Variants in CACNA2D1 observed in about 807,000 individuals in gnomAD.
The protein encoded by CACNA2D1 is voltage-dependent calcium channel subunit alpha-2/delta-1.
In CACNA2D1, 53 loss-of-function variants were observed where a neutral mutation model predicts 171.5. That is an observed-to-expected ratio of 0.31 (90% confidence interval 0.25 to 0.39). The LOEUF (loss-of-function observed/expected upper bound fraction) is 0.39. Ranked by LOEUF, CACNA2D1 falls within the 10% of genes least tolerant of loss-of-function variation. The probability of loss-of-function intolerance (pLI) is 1.00; values close to 1 mark genes in which losing one functional copy is unlikely to be tolerated. For missense variants in CACNA2D1, 903 were observed against 1,299.8 expected (o/e 0.69, Z 4.69); for synonymous variants, 442 against 443.1 (o/e 1.00, Z 0.03).
chr7:82,267,072 A>T (rs565192502), intron 3 of CACNA2D1, among the ~76,000 whole-genome samples: 1 of 152,292 alleles, frequency 6.6e-6, no homozygotes, highest in Non-Finnish European at 1.5e-5. Flanking sequence ...AGAAGTTTTC[A>T]ATGAATGTGT....
At chr7:82,202,663 G>A (rs943903697) in intron 3 of CACNA2D1, among the ~76,000 whole-genome samples, 3 of 8,866 alleles carry the variant, frequency 3.4e-4, no homozygotes, top group Admixed American at 1.5e-3. Flanking sequence ...GGGCACTCCA[G>A]GTGCTGGTGG....
intron 1 of CACNA2D1, among the ~76,000 whole-genome samples, chr7:82,379,758 CTT>C (rs1177534614): frequency 6.6e-6 from 1 of 152,172 alleles, no homozygotes; most frequent in East Asian, 1.9e-4. Context: ...TTTCTTGACT[CTT>C]TCACTGTAAA....
intron 3 of CACNA2D1, among the ~76,000 whole-genome samples, chr7:82,315,001 A>G (rs977865712): frequency 3.5e-5 from 5 of 142,390 alleles, no homozygotes; most frequent in Non-Finnish European, 6.0e-5. Context: ...TTTTTGAGAC[A>G]GAGTCTCACT....
chr7:82,003,636 G>A (rs931816093), intron 18 of CACNA2D1, among the ~76,000 whole-genome samples: 2 of 149,872 alleles, frequency 1.3e-5, no homozygotes, highest in Non-Finnish European at 3.0e-5. Flanking sequence ...AATCATATAT[G>A]CATTATTGTA....
At chr7:82,258,920 C>T (rs992556651) in intron 3 of CACNA2D1, among the ~76,000 whole-genome samples, 2 of 150,894 alleles carry the variant, frequency 1.3e-5, no homozygotes, top group East Asian at 1.9e-4. Flanking sequence ...CTCCGCCTCC[C>T]AGGTTCAAGT....
intron 3 of CACNA2D1, among the ~76,000 whole-genome samples, chr7:82,290,305 A>T (rs1050161272): frequency 1.3e-5 from 2 of 152,094 alleles, no homozygotes; most frequent in Admixed American, 6.5e-5. Context: ...AATTGTTGTT[A>T]TTTTAATTTT....
At chr7:82,200,923 G>A (rs372385168) in intron 3 of CACNA2D1, among the ~76,000 whole-genome samples, 3 of 152,204 alleles carry the variant, frequency 2.0e-5, no homozygotes, top group East Asian at 1.9e-4. Flanking sequence ...TAAGGCATGC[G>A]TGTGCATATA....
chr7:82,402,496 A>G (rs1050851124), intron 1 of CACNA2D1, among the ~76,000 whole-genome samples: 1 of 152,006 alleles, frequency 6.6e-6, no homozygotes, highest in Non-Finnish European at 1.5e-5. Flanking sequence ...GTGGATCACA[A>G]GATCAGGAGA....
chr7:82,172,040 T>TA (rs1311715993), intron 3 of CACNA2D1, among the ~76,000 whole-genome samples: 1 of 152,038 alleles, frequency 6.6e-6, no homozygotes, highest in Non-Finnish European at 1.5e-5. Context: ...AGTGACTCTA[T>TA]AATATTGCCT....
intron 3 of CACNA2D1, among the ~76,000 whole-genome samples, chr7:82,288,602 C>T (rs917759999): frequency 6.6e-6 from 1 of 152,120 alleles, no homozygotes; most frequent in Non-Finnish European, 1.5e-5. Flanking sequence ...ATTTAATATT[C>T]CATATCTGTA....
intron 7 of CACNA2D1, among the ~76,000 whole-genome samples, chr7:82,071,434 T>C (rs1015507875): frequency 2.0e-5 from 3 of 152,144 alleles, no homozygotes; most frequent in African/African-American, 7.2e-5. Context: ...CCAGCAGACA[T>C]GACCAATGAA....
At chr7:82,371,030 A>G (rs996514806) in intron 1 of CACNA2D1, among the ~76,000 whole-genome samples, 1 of 152,208 alleles carries the variant, frequency 6.6e-6, no homozygotes, top group African/African-American at 2.4e-5. Flanking sequence ...AACACTACTG[A>G]AAAGACACAT....
chr7:82,026,315 T>C, intron 12 of CACNA2D1, among the ~76,000 whole-genome samples: 1 of 151,788 alleles, frequency 6.6e-6, no homozygotes, highest in Middle Eastern at 3.4e-3. Flanking sequence ...TTTATTAATG[T>C]CATTTTGTTA....
chr7:82,283,162 A>C (rs1429321749), intron 3 of CACNA2D1, among the ~76,000 whole-genome samples: 2 of 152,310 alleles, frequency 1.3e-5, no homozygotes, highest in East Asian at 3.9e-4. Context: ...TATTAAAAAA[A>C]AAAATTGAAG....
intron 4 of CACNA2D1, among the ~76,000 whole-genome samples, chr7:82,149,637 A>G (rs555767055): frequency 5.3e-5 from 8 of 152,194 alleles, no homozygotes; most frequent in African/African-American, 1.7e-4. Flanking sequence ...GGAGGAAGCT[A>G]TAAGAGTATG....
Position 82,232,861 on chromosome 7 carries a change from CAAAAAAAAAAAAAAAAA to C in CACNA2D1, c.295-62269_295-62253del, listed in dbSNP as rs71093370. On this transcript the variant is annotated intron_variant, in intron 3 of 38. Transcript: ENST00000356860. ...CCTGGGCAACAGAGCGAGATGTCTC[CAAAAAAAAAAAAAAAAA>C]AAAAAAAAAAAAAAGACTTGCTTGA... is the stretch of plus-strand genomic sequence containing the variant. Among the ~76,000 whole-genome samples, 105 of 52,418 alleles carry C rather than the reference CAAAAAAAAAAAAAAAAA, an allele frequency of 2.0e-3. 1 individual carries two copies. Among genetic ancestry groups the C allele is most frequent in the Non-Finnish European group, 3.0e-3 (90 of 29,546 alleles). The allele number at this position is 52,418 out of a possible 152,430, so 34.4% of individuals were successfully genotyped here. A position where few individuals can be genotyped will look rare whatever the true frequency, so the allele number is the denominator to read the frequency against.
At chr7:81,975,989 A>C (rs1203331815) in intron 24 of CACNA2D1, among the ~76,000 whole-genome samples, 1 of 67,726 alleles carries the variant, frequency 1.5e-5, no homozygotes, top group Non-Finnish European at 3.2e-5. Flanking sequence ...AAGTAATGTT[A>C]CATTAAAAAA....
intron 3 of CACNA2D1, among the ~76,000 whole-genome samples, chr7:82,223,840 A>G (rs575706399): frequency 2.9e-3 from 446 of 152,218 alleles, no homozygotes; most frequent in South Asian, 0.019. Flanking sequence ...CTCCTGCTTA[A>G]CCCCATCCAA....
chr7:82,362,709 G>T (rs748805371), intron 1 of CACNA2D1, among the ~76,000 whole-genome samples: 1 of 152,108 alleles, frequency 6.6e-6, no homozygotes, highest in Non-Finnish European at 1.5e-5. Context: ...TTGTATCACC[G>T]TTGGACATCT....
Sources: allele counts gnomAD v4.1 joint callset (sites outside exome capture counted in the v4.1 genomes callset), GRCh38; gene constraint gnomAD v4.1.1; transcripts MANE v1.5; gene names NCBI Gene and HGNC (gene_info 2026-07-23, HGNC 2026-07-21).